Variants in GGT5 observed in about 807,000 individuals in gnomAD.
GGT5 encodes glutathione hydrolase 5 proenzyme.
In GGT5, 50 loss-of-function variants were observed where a neutral mutation model predicts 58.1. That is an observed-to-expected ratio of 0.86 (90% CI 0.69 to 1.09). The LOEUF is 1.09. Ranked by LOEUF, GGT5 falls within the 50% of genes least tolerant of loss-of-function variation. The probability of loss-of-function intolerance (pLI) is 0.00; values close to 1 mark genes in which losing one functional copy is unlikely to be tolerated. For missense variants in GGT5, 800 were observed against 789.4 expected, an observed-to-expected ratio of 1.01 and a Z score of -0.16; for synonymous variants, 370 against 346.1, an observed-to-expected ratio of 1.07 and a Z score of -0.77.
At chr22:24,235,770 C>T (rs1356765679) in intron 1 of GGT5, among the ~76,000 whole-genome samples, 1 of 152,192 alleles carries the variant, frequency 6.6e-6, no homozygotes, top group Admixed American at 6.5e-5. Flanking sequence ...ATGGAGTGCA[C>T]CCTTGCTTCC....
chr22:24,244,599 G>A lies in GGT5; in HGVS notation c.127C>T (p.His43Tyr), dbSNP rs1270601182. ...QAPCGPQAFAHAAVAADSKVC... is the reference protein window; with the variant it reads ...QAPCGPQAFAYAAVAADSKVC... ...TTGGAGTCGGCGGCAACAGCAGCGTGGGCAAAGGCCTGGGGGCCACATGGG... is the reference window on the plus strand; with the variant it reads ...TTGGAGTCGGCGGCAACAGCAGCGTAGGCAAAGGCCTGGGGGCCACATGGG... The change falls in exon 1 of 12, where the codon CAC becomes TAC. Residue 43 changes from histidine (H) to tyrosine (Y), a missense_variant. Physicochemically the swap from His to Tyr is moderately conservative, Grantham distance 83 (BLOSUM62 2). Transcript: ENST00000327365. 1.2e-6 allele frequency: 2 copies of A among 1,612,522 alleles called. No individual in the cohort carries two copies. Among genetic ancestry groups the A allele is most frequent in the East Asian group, 4.5e-5 (2 of 44,890 alleles).
At chr22:24,237,735 T>A (rs2048141573) in intron 1 of GGT5, among the ~76,000 whole-genome samples, 1 of 151,876 alleles carries the variant, frequency 6.6e-6, no homozygotes, top group Non-Finnish European at 1.5e-5. Context: ...TACTCTCCAG[T>A]GCCAAATTAA....
At chr22:24,226,847 A>G in intron 6 of GGT5, 80 bp from the exon 7 acceptor site, 2 of 1,215,966 alleles carry the variant, frequency 1.6e-6, no homozygotes, top group Admixed American at 1.8e-5. Flanking sequence ...CCCACCACAG[A>G]AAGATCCACC....
intron 1 of GGT5, among the ~76,000 whole-genome samples, chr22:24,234,672 T>G (rs1331279968): frequency 1.3e-5 from 2 of 151,846 alleles, no homozygotes; most frequent in African/African-American, 4.8e-5. Flanking sequence ...ATACAAAAAT[T>G]AGCTGAATGT....
At chr22:24,227,561 G>T (rs2047805445) in intron 6 of GGT5, among the ~76,000 whole-genome samples, 1 of 152,094 alleles carries the variant, frequency 6.6e-6, no homozygotes, top group African/African-American at 2.4e-5. Flanking sequence ...GTACGTTAAA[G>T]ATTTTGAGAG....
intron 8 of GGT5, 142 bp from the exon 9 acceptor site, chr22:24,225,794 C>T (rs1222852879): frequency 9.1e-6 from 6 of 659,790 alleles, no homozygotes; most frequent in African/African-American, 1.8e-5. Context: ...CCTGGCACCA[C>T]CCAGGAGGGG....
intron 11 of GGT5, among the ~76,000 whole-genome samples, chr22:24,222,813 C>T (rs1245146505): frequency 2.0e-5 from 3 of 152,022 alleles, no homozygotes; most frequent in Non-Finnish European, 4.4e-5. Context: ...CGCGGTGGCT[C>T]ACGCCTATAA....
rs2047548801 is a variant in GGT5 at position 24,220,169 on chromosome 22, AG to A, written c.1615-54del. On this transcript the variant is annotated intron_variant, in intron 11 of 11. Coordinates refer to ENST00000327365, the MANE Select transcript of GGT5 (RefSeq NM_004121.5). ...GGGGAGGGCAGCTCAGCCCATCTCC[AG>A]GAGGGAGAGGCCTCTGCAAGAAATG... 6 of 1,553,064 alleles carry A rather than the reference AG, an allele frequency of 3.9e-6. No homozygotes were observed. The East Asian group carries it at 1.4e-4, about 35-fold the overall frequency.
At chr22:24,222,729 A>G (rs1438255867) in intron 11 of GGT5, among the ~76,000 whole-genome samples, 1 of 152,186 alleles carries the variant, frequency 6.6e-6, no homozygotes. Context: ...TCACGTCCCC[A>G]GGGTGAAAGG....
intron 1 of GGT5, among the ~76,000 whole-genome samples, chr22:24,238,457 C>T (rs2048163538): frequency 6.6e-6 from 1 of 151,088 alleles, no homozygotes. Flanking sequence ...ACTGCTTGAA[C>T]CAGGGAGGTG....
Position 24,232,879 on chromosome 22 carries a change from G to A in GGT5, c.540C>T (p.Leu180=). 1 of 1,581,688 alleles carries A rather than the reference G, an allele frequency of 6.3e-7. No individual in the cohort carries two copies. Among genetic ancestry groups the A allele is most frequent in the Non-Finnish European group, 8.6e-7 (1 of 1,162,710 alleles). Residue 180 remains leucine, a synonymous_variant, in exon 4 of 12, where the codon CTC becomes CTT. Transcript: ENST00000327365. ...GGATGCTGTTGTGCAGGAAACGGCT[G>A]AGGACAGGGGCCACCACATGCCCCC... The part of the protein sequence containing the change: ...LRGGHVVAPV[L]SRFLHNSILR...
At chr22:24,236,250 A>G (rs987977078) in intron 1 of GGT5, among the ~76,000 whole-genome samples, 8 of 152,116 alleles carry the variant, frequency 5.3e-5, no homozygotes, top group Admixed American at 2.6e-4. Context: ...AGAAATTGAC[A>G]CAACCACTCC....
chr22:24,244,559 A>G lies in GGT5; in HGVS notation c.167T>C (p.Ile56Thr). The change falls in exon 1 of 12, where the codon ATT becomes ACT. Residue 56 changes from isoleucine (I) to threonine (T), a missense_variant. Physicochemically the swap from Ile to Thr is moderately conservative, Grantham distance 89. Transcript: ENST00000327365. The stretch of plus-strand genomic sequence containing the variant: ...CCTCCCACGTCTCACTCACCGTCCA[A>G]TATCCGAGCAGACCTTGGAGTCGGC... ...VAADSKVCSDIGRAILQQQGS... is the reference protein window; with the variant it reads ...VAADSKVCSDTGRAILQQQGS... 1.9e-6 allele frequency: 3 copies of G among 1,611,586 alleles called. No individual in the cohort carries two copies. The highest frequency in any genetic ancestry group is 2.5e-6 in the Non-Finnish European group (3 of 1,179,456).
intron 6 of GGT5, 36 bp downstream of exon 6, chr22:24,231,348 G>C (rs1177819183): frequency 6.2e-6 from 9 of 1,445,468 alleles, no homozygotes; most frequent in Non-Finnish European, 8.5e-6. Context: ...GTGCGGGGGA[G>C]GGGGTGGGCG....
intron 11 of GGT5, among the ~76,000 whole-genome samples, chr22:24,222,137 C>T (rs1195918027): frequency 1.3e-5 from 2 of 152,010 alleles, no homozygotes; most frequent in Non-Finnish European, 2.9e-5. Context: ...TGAGATCGCG[C>T]CACTGCACTC....
Position 24,233,537 on chromosome 22 carries a change from G to A in GGT5, c.361C>T (p.Leu121=). The stretch of plus-strand genomic sequence containing the variant: ...AGAGCCTGTGCACACTGGTCCAGCA[G>A]GCTCGGGGCGTGGCTGGCCGGCACC... ...ETVPASHAPS[L]LDQCAQALPL... is the part of the protein sequence containing the mutation. The change falls in exon 3 of 12, where the codon CTG becomes TTG. Residue 121 remains leucine, a synonymous_variant. Coordinates refer to ENST00000327365, the MANE Select transcript of GGT5 (RefSeq NM_004121.5). 6.2e-7 allele frequency: 1 copy of A among 1,609,676 alleles called. No individual in the cohort carries two copies. Among genetic ancestry groups the A allele is most frequent in the Non-Finnish European group, 8.5e-7 (1 of 1,179,208 alleles).
intron 6 of GGT5, among the ~76,000 whole-genome samples, chr22:24,228,698 C>T (rs2047850510): frequency 6.6e-6 from 1 of 152,088 alleles, no homozygotes; most frequent in East Asian, 1.9e-4. Context: ...GATCCGCCTG[C>T]CTTGGCCTCC....
chr22:24,227,169 T>G (rs9608255), intron 6 of GGT5, among the ~76,000 whole-genome samples: 2 of 150,190 alleles, frequency 1.3e-5, no homozygotes, highest in African/African-American at 2.5e-5. Flanking sequence ...AGGCTGGTAT[T>G]GAACTCCTGG....
intron 1 of GGT5, among the ~76,000 whole-genome samples, chr22:24,238,849 TATATATTATATATATA>T (rs1174086698): frequency 0.061 from 959 of 15,614 alleles, 83 homozygotes; most frequent in African/African-American, 0.14. Context: ...ATATATATTA[TATATATTATATATATA>T]ATATATATAA....
Sources: gnomAD v4.1 joint callset for allele counts (sites outside exome capture counted in the v4.1 genomes callset) on GRCh38, gnomAD v4.1.1 for gene constraint, MANE v1.5 for transcripts, NCBI Gene and HGNC (gene_info 2026-07-23, HGNC 2026-07-21) for gene names.